Variants in ARHGAP21 observed in about 807,000 individuals in gnomAD.
ARHGAP21 encodes Rho GTPase activating protein 21.
A neutral mutation model predicts 164.6 loss-of-function variants in ARHGAP21; 38 were observed. That is an observed-to-expected ratio of 0.23 (90% CI 0.18 to 0.30). The LOEUF (loss-of-function observed/expected upper bound fraction) is 0.30, where lower values mean the gene tolerates loss of function less well. Ranked by LOEUF, ARHGAP21 falls within the 10% of genes least tolerant of loss-of-function variation. The probability of loss-of-function intolerance (pLI) is 1.00; values close to 1 mark genes in which losing one functional copy is unlikely to be tolerated. For missense variants in ARHGAP21, 1,822 were observed against 2,370.7 expected, an observed-to-expected ratio of 0.77 and a Z score of 4.81; for synonymous variants, 766 against 857.9, an observed-to-expected ratio of 0.89 and a Z score of 1.87.
At chr10:24,615,031 A>C (rs1001802280) in intron 9 of ARHGAP21, among the ~76,000 whole-genome samples, 1 of 151,868 alleles carries the variant, frequency 6.6e-6, no homozygotes, top group Non-Finnish European at 1.5e-5. Flanking sequence ...TCTACTAAAA[A>C]TACAAAAAAT....
At chr10:24,636,915 C>A (rs1836447097) in intron 4 of ARHGAP21, among the ~76,000 whole-genome samples, 1 of 152,180 alleles carries the variant, frequency 6.6e-6, no homozygotes. Flanking sequence ...TGTTGTATAT[C>A]TCTCTAACAT....
intron 2 of ARHGAP21, among the ~76,000 whole-genome samples, chr10:24,700,427 C>A (rs1843561129): frequency 6.6e-6 from 1 of 152,242 alleles, no homozygotes; most frequent in African/African-American, 2.4e-5. Context: ...TAAAGTATTA[C>A]ACCTAGGCAA....
intron 21 of ARHGAP21, among the ~76,000 whole-genome samples, chr10:24,593,375 C>CA (rs1197915487): frequency 1.3e-5 from 2 of 152,044 alleles, no homozygotes; most frequent in African/African-American, 4.8e-5. Context: ...GCTGGTGGCT[C>CA]AAAAAACAGA....
At chr10:24,710,220 T>C (rs1419983710) in intron 2 of ARHGAP21, among the ~76,000 whole-genome samples, 2 of 152,206 alleles carry the variant, frequency 1.3e-5, no homozygotes, top group East Asian at 1.9e-4. Context: ...ATATACTATA[T>C]GTAGAATCTC....
intron 2 of ARHGAP21, among the ~76,000 whole-genome samples, chr10:24,707,681 C>T (rs896399712): frequency 5.9e-5 from 9 of 152,316 alleles, no homozygotes; most frequent in South Asian, 2.1e-4. Flanking sequence ...CAAACAGAAA[C>T]CAGAGTCATC....
chr10:24,710,911 T>C (rs933401646), intron 2 of ARHGAP21, among the ~76,000 whole-genome samples: 2 of 151,846 alleles, frequency 1.3e-5, no homozygotes, highest in Non-Finnish European at 2.9e-5. Context: ...ATGGCCAACA[T>C]GGCGAAACCC....
chr10:24,720,659 C>T (rs1845836399), intron 2 of ARHGAP21, among the ~76,000 whole-genome samples: 1 of 152,186 alleles, frequency 6.6e-6, no homozygotes, highest in African/African-American at 2.4e-5. Flanking sequence ...AGTTTCTCCG[C>T]TTGCTTTATG....
intron 2 of ARHGAP21, among the ~76,000 whole-genome samples, chr10:24,716,236 C>T (rs1472322162): frequency 1.3e-5 from 2 of 152,170 alleles, no homozygotes; most frequent in African/African-American, 4.8e-5. Context: ...AATAAACAAA[C>T]AAAATCAAAT....
At chr10:24,717,300 T>A (rs547763335) in intron 2 of ARHGAP21, among the ~76,000 whole-genome samples, 1 of 152,214 alleles carries the variant, frequency 6.6e-6, no homozygotes, top group African/African-American at 2.4e-5. Context: ...CTTTCCTGCA[T>A]ATTCATTTAT....
chr10:24,601,066 T>C, intron 13 of ARHGAP21, 136 bp from the exon 14 acceptor site: 3 of 1,003,376 alleles, frequency 3.0e-6, no homozygotes, highest in Non-Finnish European at 4.4e-6. Context: ...GCTCACTACA[T>C]TATTTGTGAG....
At chr10:24,611,594 CT>C (rs745323337) in intron 9 of ARHGAP21, among the ~76,000 whole-genome samples, 5 of 152,018 alleles carry the variant, frequency 3.3e-5, no homozygotes, top group Non-Finnish European at 7.4e-5. Flanking sequence ...ATCCCAGCTA[CT>C]CAGGAGGTTG....
chr10:24,702,560 A>G (rs976137465), intron 2 of ARHGAP21, among the ~76,000 whole-genome samples: 1 of 151,662 alleles, frequency 6.6e-6, no homozygotes, highest in Non-Finnish European at 1.5e-5. Flanking sequence ...CAAAAAATGT[A>G]TTGTTTTAAG....
intron 15 of ARHGAP21, 115 bp downstream of exon 15, chr10:24,597,830 A>ACTAT (rs2076650864): frequency 2.5e-6 from 3 of 1,190,896 alleles, no homozygotes; most frequent in Middle Eastern, 2.1e-4. Context: ...AGGATTTGGT[A>ACTAT]CTATCTGCGG....
intron 2 of ARHGAP21, among the ~76,000 whole-genome samples, chr10:24,685,626 A>G (rs1025173042): frequency 1.2e-4 from 18 of 152,232 alleles, no homozygotes; most frequent in African/African-American, 4.3e-4. Context: ...CTGTAATCCC[A>G]GCACTTTGGG....
chr10:24,720,376 T>A (rs909224823), intron 2 of ARHGAP21, among the ~76,000 whole-genome samples: 3 of 152,188 alleles, frequency 2.0e-5, no homozygotes, highest in African/African-American at 7.2e-5. Context: ...CATATTATTA[T>A]GTAACTGCAA....
At chr10:24,654,661 G>C (rs1041591917) in intron 4 of ARHGAP21, among the ~76,000 whole-genome samples, 2 of 152,180 alleles carry the variant, frequency 1.3e-5, no homozygotes, top group Non-Finnish European at 2.9e-5. Context: ...TCTTGGATAG[G>C]AAGAATCAAT....
chr10:24,721,768 C>T, intron 2 of ARHGAP21, 69 bp downstream of exon 2: 1 of 1,582,482 alleles, frequency 6.3e-7, no homozygotes, highest in South Asian at 1.1e-5. Context: ...GCCGGTAACC[C>T]CCAACTTGCA....
chr10:24,631,860 C>T (rs1188225316), intron 6 of ARHGAP21, among the ~76,000 whole-genome samples: 8 of 152,124 alleles, frequency 5.3e-5, no homozygotes, highest in Admixed American at 4.6e-4. Context: ...TCCCAAGTAT[C>T]TGGGACAACA....
chr10:24,624,769 T>C (rs2131245326), intron 7 of ARHGAP21, among the ~76,000 whole-genome samples: 1 of 152,266 alleles, frequency 6.6e-6, no homozygotes, highest in Non-Finnish European at 1.5e-5. Flanking sequence ...TAAGCCCAAA[T>C]GGATACTTTA....
Sources: allele counts gnomAD v4.1 joint callset (sites outside exome capture counted in the v4.1 genomes callset), GRCh38; gene constraint gnomAD v4.1.1; transcripts MANE v1.5; gene names NCBI Gene and HGNC (gene_info 2026-07-23, HGNC 2026-07-21).